PLB1: variants seen among roughly 807,000 people sequenced by gnomAD.
PLB1 encodes phospholipase B1.
Under a neutral mutation model 227.4 loss-of-function variants are expected in PLB1, and 242 were observed. That is an observed-to-expected ratio of 1.06 (90% CI 0.96 to 1.18). The LOEUF is 1.18. PLB1 is among the 50% of genes most tolerant of loss of function. The pLI is 0.00. For missense variants in PLB1, 1,858 were observed against 1,816.3 expected (o/e 1.02, Z -0.42); for synonymous variants, 757 against 682.2 (o/e 1.11, Z -1.71).
intron 51 of PLB1, 129 bp downstream of exon 51, chr2:28,626,637 C>A: frequency 1.2e-6 from 1 of 805,972 alleles, no homozygotes. Flanking sequence ...CCTGCTGCCC[C>A]AGGCCCTCCC....
chr2:28,531,266 C>T (rs1205831913), intron 8 of PLB1, among the ~76,000 whole-genome samples: 1 of 152,066 alleles, frequency 6.6e-6, no homozygotes, highest in Non-Finnish European at 1.5e-5. Flanking sequence ...TTTTATAAAA[C>T]AGGGATGTTA....
At chr2:28,523,242 C>T (rs1193261370) in intron 4 of PLB1, among the ~76,000 whole-genome samples, 1 of 151,666 alleles carries the variant, frequency 6.6e-6, no homozygotes, top group African/African-American at 2.4e-5. Flanking sequence ...CACATATATA[C>T]ATTCTCATTC....
At chr2:28,562,115 G>T (rs1477240374) in intron 17 of PLB1, among the ~76,000 whole-genome samples, 2 of 152,148 alleles carry the variant, frequency 1.3e-5, no homozygotes, top group South Asian at 4.2e-4. Flanking sequence ...GGGTTATAGG[G>T]TCTCATTTTG....
At position 28,563,209 on chromosome 2, in the gene PLB1, A is replaced by G. The variant is rs115318701; in HGVS notation, c.1206+110A>G. On this transcript the variant is annotated intron_variant, in intron 18 of 57. Coordinates refer to ENST00000327757, the MANE Select transcript of PLB1 (RefSeq NM_153021.5). ...GTCTCACGCCTGGCTCTTAGATGCT[A>G]CCATCTCGGGTCCTGATCTCCATCT... 1,714 of 1,082,532 alleles carry G rather than the reference A, an allele frequency of 1.6e-3. 21 individuals are homozygous for G. In the African/African-American group the frequency reaches 0.023, roughly 15 times the overall value. The allele number at this position is 1,082,532 out of a possible 1,614,324, so 67.1% of individuals were successfully genotyped here. A position where few individuals can be genotyped will look rare whatever the true frequency, so the allele number is the denominator to read the frequency against.
At chr2:28,514,682 A>G (rs1200373322) in intron 1 of PLB1, among the ~76,000 whole-genome samples, 2 of 152,114 alleles carry the variant, frequency 1.3e-5, no homozygotes, top group South Asian at 2.1e-4. Context: ...TTCTGGCCCT[A>G]TATAGAAAAA....
chr2:28,628,309 C>A (rs1416066247), intron 51 of PLB1, among the ~76,000 whole-genome samples: 1 of 152,072 alleles, frequency 6.6e-6, no homozygotes, highest in African/African-American at 2.4e-5. Context: ...TGGCAGAGTC[C>A]ACTGTTGGGT....
intron 25 of PLB1, among the ~76,000 whole-genome samples, chr2:28,584,457 T>A (rs1186643788): frequency 6.6e-6 from 1 of 152,238 alleles, no homozygotes; most frequent in Non-Finnish European, 1.5e-5. Context: ...CTCCAGTCAC[T>A]GGGCCACACA....
At chr2:28,508,435 C>A (rs80062726) in intron 1 of PLB1, among the ~76,000 whole-genome samples, 2 of 152,172 alleles carry the variant, frequency 1.3e-5, no homozygotes, top group Non-Finnish European at 2.9e-5. Context: ...ACATCCTATA[C>A]GCCTTAGAGC....
chr2:28,581,398 G>A (rs1403703197), intron 23 of PLB1, among the ~76,000 whole-genome samples: 1 of 129,706 alleles, frequency 7.7e-6, no homozygotes, highest in East Asian at 2.3e-4. Context: ...TCATCTGCTC[G>A]GACATCCCCA....
intron 21 of PLB1, among the ~76,000 whole-genome samples, chr2:28,574,725 C>T (rs1255331752): frequency 2.6e-5 from 4 of 152,018 alleles, no homozygotes; most frequent in African/African-American, 9.7e-5. Context: ...CCTTTGCGTC[C>T]TCATAGCTTT....
chr2:28,531,709 A>T (rs527760292), intron 8 of PLB1, among the ~76,000 whole-genome samples: 17 of 152,358 alleles, frequency 1.1e-4, no homozygotes, highest in African/African-American at 3.8e-4. Context: ...ATAGTGTTTC[A>T]TCTCATGAGT....
chr2:28,540,492 C>T (rs374563225), intron 12 of PLB1, 51 bp downstream of exon 12: 21 of 1,512,476 alleles, frequency 1.4e-5, no homozygotes, highest in Admixed American at 5.2e-5. Flanking sequence ...GTGGCGTGGT[C>T]GCCAAGGAGA....
intron 25 of PLB1, among the ~76,000 whole-genome samples, chr2:28,583,321 G>A (rs2148272887): frequency 6.6e-6 from 1 of 152,116 alleles, no homozygotes; most frequent in Admixed American, 6.5e-5. Context: ...TAGTAGCTGG[G>A]ATTACAGGCA....
At chr2:28,534,074 A>G (rs1454979408) in intron 9 of PLB1, among the ~76,000 whole-genome samples, 1 of 152,258 alleles carries the variant, frequency 6.6e-6, no homozygotes, top group Non-Finnish European at 1.5e-5. Flanking sequence ...GAGATTTAAT[A>G]TAGTGTTATA....
Position 28,614,043 on chromosome 2 carries a change from C to T in PLB1, c.3142C>T (p.Leu1048=), listed in dbSNP as rs1206842986. The change falls in exon 44 of 58, where the codon CTG becomes TTG. Residue 1048 remains leucine (L), a synonymous_variant. Transcript: ENST00000327757. ...ITCPTQNEPF[L]RTPRNSNYTY... is the part of the protein sequence containing the mutation. ...TTTTTTCTCTTAGAATGAGCCCTTC[C>T]TGAGAACCCCTCGGAATAGTAACTA... 1.2e-6 allele frequency: 2 copies of T among 1,612,682 alleles called. No individual in the cohort carries two copies. The highest frequency in any genetic ancestry group is 4.5e-5 in the East Asian group (2 of 44,880).
chr2:28,594,510 A>G (rs1481447301), intron 33 of PLB1: 1 of 157,148 alleles, frequency 6.4e-6, no homozygotes, highest in African/African-American at 2.4e-5. Context: ...CCAGGACAGC[A>G]CCTTTGCTGC....
chr2:28,531,201 T>A (rs965799497), intron 8 of PLB1, among the ~76,000 whole-genome samples: 1 of 152,246 alleles, frequency 6.6e-6, no homozygotes, highest in Non-Finnish European at 1.5e-5. Context: ...TTATGGTTAA[T>A]AACTTGGTGT....
At chr2:28,624,656 C>T (rs541827179) in intron 49 of PLB1, among the ~76,000 whole-genome samples, 2 of 152,274 alleles carry the variant, frequency 1.3e-5, no homozygotes, top group South Asian at 4.1e-4. Context: ...AGTCATTAAG[C>T]CTGGAAAGGA....
chr2:28,530,391 G>A (rs1476650788), intron 8 of PLB1, among the ~76,000 whole-genome samples: 2 of 152,186 alleles, frequency 1.3e-5, no homozygotes, highest in Non-Finnish European at 2.9e-5. Context: ...AAGAGCTGCA[G>A]CAAAGGGTTT....
Sources: gnomAD v4.1 joint callset for allele counts (sites outside exome capture counted in the v4.1 genomes callset) on GRCh38, gnomAD v4.1.1 for gene constraint, MANE v1.5 for transcripts, NCBI Gene and HGNC (gene_info 2026-07-23, HGNC 2026-07-21) for gene names.